TRAF3IP1: variants seen among roughly 807,000 people sequenced by gnomAD.
TRAF3IP1 encodes the protein TRAF3-interacting protein 1.
TRAF3IP1 carries 53 observed loss-of-function variants against 89.9 expected under a neutral mutation model. The observed-to-expected ratio is 0.59, with a 90% CI of 0.47 to 0.74. The LOEUF is 0.74. TRAF3IP1 is among the 30% of genes least tolerant of loss of function. The pLI, the probability that TRAF3IP1 is intolerant of heterozygous loss-of-function variation, is 0.00. For missense variants in TRAF3IP1, 806 were observed against 866.1 expected, an observed-to-expected ratio of 0.93 and a Z score of 0.87; for synonymous variants, 311 against 322.1, an observed-to-expected ratio of 0.97 and a Z score of 0.37.
rs531900958 is a variant in TRAF3IP1 at position 238,377,236 on chromosome 2, T to TC, written c.1690-20223_1690-20222insC. Reference sequence around the variant, plus strand: ...TTCCTTCCTTCCTGATTTTCTTTTTTTTTTTTTTTTTTTTTTTGAGACAGG... The same window carrying TC: ...TTCCTTCCTTCCTGATTTTCTTTTTTCTTTTTTTTTTTTTTTTTGAGACAGG... On this transcript the variant is annotated intron_variant, in intron 15 of 16. Coordinates refer to ENST00000373327, the MANE Select transcript of TRAF3IP1 (RefSeq NM_015650.4). Among the ~76,000 whole-genome samples, 445 of 135,474 alleles carry TC rather than the reference T, an allele frequency of 3.3e-3. 2 individuals are homozygous for TC. Among genetic ancestry groups the TC allele is most frequent in the African/African-American group, 0.01 (369 of 35,866 alleles). The allele number at this position is 135,474 out of a possible 152,430, so 88.9% of individuals were successfully genotyped here. A position where few individuals can be genotyped will look rare whatever the true frequency, so the allele number is the denominator to read the frequency against.
At position 238,320,797 on chromosome 2, in the gene TRAF3IP1, G is replaced by A; in HGVS notation, c.123+12G>A. The A allele has an allele frequency of 7.1e-7, 1 of 1,406,716 alleles. No individual in the cohort carries two copies. The highest frequency in any genetic ancestry group is 1.4e-5 in the South Asian group (1 of 71,236). 87.1% of individuals were successfully genotyped at this position (1,406,716 alleles called of 1,614,324 possible). ...ACATCATCACGGAGGTGGGCGCCGG[G>A]GACCGGGCCCGGCCAGGTGCGGGTC... On this transcript the variant is annotated intron_variant, in intron 1 of 16. Transcript: ENST00000373327.
In TRAF3IP1 at chr2:238,351,164, G is replaced by C. The variant is rs777676731; in HGVS notation, c.1452-1663G>C. The stretch of plus-strand genomic sequence containing the variant: ...GACAGGGGTGCCCCTGGGAGTGGGC[G>C]TCGAGTGTGGGAGGTGGGATCATCC... On this transcript the variant is annotated intron_variant, in intron 12 of 16. Coordinates refer to ENST00000373327, the MANE Select transcript of TRAF3IP1 (RefSeq NM_015650.4). This position sits in a 1 kb window ranked among gnomAD's most constrained non-coding sequence, Gnocchi z 5.2. Among the ~76,000 whole-genome samples the C allele has an allele frequency of 6.6e-6, 1 of 152,084 alleles. No homozygotes were observed. Among genetic ancestry groups the C allele is most frequent in the Non-Finnish European group, 1.5e-5 (1 of 68,008 alleles).
At chr2:238,398,711 T>C in intron 16 of TRAF3IP1, 43 bp from the exon 17 acceptor site, 1 of 1,500,874 alleles carries the variant, frequency 6.7e-7, no homozygotes, top group Non-Finnish European at 8.9e-7. Flanking sequence ...CAACACACAA[T>C]GAGATGAGAG....
At chr2:238,340,959 G>A (rs972607332) in intron 8 of TRAF3IP1, among the ~76,000 whole-genome samples, 26 of 152,198 alleles carry the variant, frequency 1.7e-4, no homozygotes, top group Admixed American at 7.2e-4. Context: ...CCGGGTTCAA[G>A]CGATTCTTCT....
At chr2:238,365,624 C>T (rs1699842326) in intron 15 of TRAF3IP1, among the ~76,000 whole-genome samples, 1 of 151,704 alleles carries the variant, frequency 6.6e-6, no homozygotes, top group Non-Finnish European at 1.5e-5. Flanking sequence ...CGCCACTGCA[C>T]TCCAGACTGG....
At chr2:238,374,661 A>T (rs1700242666) in intron 15 of TRAF3IP1, among the ~76,000 whole-genome samples, 1 of 151,980 alleles carries the variant, frequency 6.6e-6, no homozygotes. Flanking sequence ...GTTAGGGAGG[A>T]TTCCCTCTTT....
At chr2:238,360,121 C>T (rs930795140) in intron 15 of TRAF3IP1, among the ~76,000 whole-genome samples, 1 of 152,154 alleles carries the variant, frequency 6.6e-6, no homozygotes, top group Non-Finnish European at 1.5e-5. Context: ...CTCAGCAGAA[C>T]TGTGCAAGAT....
intron 14 of TRAF3IP1, among the ~76,000 whole-genome samples, chr2:238,353,728 G>C (rs949910222): frequency 6.6e-6 from 1 of 152,046 alleles, no homozygotes; most frequent in African/African-American, 2.4e-5. Context: ...AGTAACGAGG[G>C]CTTGTTGGTT....
At chr2:238,398,708 C>T in intron 16 of TRAF3IP1, 46 bp from the exon 17 acceptor site, 1 of 1,508,484 alleles carries the variant, frequency 6.6e-7, no homozygotes, top group Non-Finnish European at 8.8e-7. Flanking sequence ...AGCCAACACA[C>T]AATGAGATGA....
intron 15 of TRAF3IP1, among the ~76,000 whole-genome samples, chr2:238,388,162 G>T (rs1419715380): frequency 6.6e-6 from 1 of 152,092 alleles, no homozygotes; most frequent in East Asian, 1.9e-4. Flanking sequence ...ATCACTTGAG[G>T]TCAGGAGTTC....
intron 5 of TRAF3IP1, among the ~76,000 whole-genome samples, chr2:238,331,869 G>C (rs1312595428): frequency 1.3e-5 from 2 of 152,220 alleles, no homozygotes; most frequent in Non-Finnish European, 2.9e-5. Context: ...TTCTGCCTCA[G>C]TCATTCTTTG....
chr2:238,393,196 A>T (rs1701068910), intron 15 of TRAF3IP1, among the ~76,000 whole-genome samples: 1 of 152,122 alleles, frequency 6.6e-6, no homozygotes, highest in African/African-American at 2.4e-5. Flanking sequence ...CCTAACCAGC[A>T]TTTGGTGTTG....
intron 1 of TRAF3IP1, among the ~76,000 whole-genome samples, chr2:238,322,803 A>C (rs149926898): frequency 9.9e-5 from 15 of 151,866 alleles, no homozygotes; most frequent in African/African-American, 3.1e-4. Context: ...TCTCCCATAG[A>C]CTTCCTCATC....
intron 15 of TRAF3IP1, among the ~76,000 whole-genome samples, chr2:238,383,892 T>G (rs1700648594): frequency 6.6e-6 from 1 of 152,224 alleles, no homozygotes; most frequent in Non-Finnish European, 1.5e-5. Flanking sequence ...TTAGTGCAGT[T>G]GTTGATATAG....
chr2:238,352,241 C>T (rs1275920129), intron 12 of TRAF3IP1, among the ~76,000 whole-genome samples: 2 of 151,818 alleles, frequency 1.3e-5, no homozygotes, highest in East Asian at 2.0e-4. Flanking sequence ...CTGACTTGCC[C>T]AGAATGATGT....
intron 15 of TRAF3IP1, among the ~76,000 whole-genome samples, chr2:238,369,200 G>C (rs1286136870): frequency 6.6e-6 from 1 of 151,952 alleles, no homozygotes; most frequent in Non-Finnish European, 1.5e-5. Context: ...TATTTTAATA[G>C]TAATAACCAA....
chr2:238,349,689 G>A (rs560328114), intron 12 of TRAF3IP1, among the ~76,000 whole-genome samples: 2 of 152,184 alleles, frequency 1.3e-5, no homozygotes, highest in Admixed American at 6.5e-5. Flanking sequence ...CTTTCTAAGC[G>A]TGAAAACAAT....
At chr2:238,331,786 G>A (rs1698138823) in intron 5 of TRAF3IP1, among the ~76,000 whole-genome samples, 1 of 152,184 alleles carries the variant, frequency 6.6e-6, no homozygotes. Context: ...GGCGCCTCCC[G>A]AGGAACCCCT....
At chr2:238,333,316 G>T (rs1336977133) in intron 6 of TRAF3IP1, among the ~76,000 whole-genome samples, 1 of 152,214 alleles carries the variant, frequency 6.6e-6, no homozygotes, top group African/African-American at 2.4e-5. Context: ...ATTTCCTGGG[G>T]CTGGGTATGG....
Sources: allele counts gnomAD v4.1 joint callset (sites outside exome capture counted in the v4.1 genomes callset), GRCh38; gene constraint gnomAD v4.1.1; non-coding constraint Gnocchi (gnomAD v3.1); transcripts MANE v1.5; gene names NCBI Gene and HGNC (gene_info 2026-07-23, HGNC 2026-07-21).